Variants in C2CD3 observed in about 807,000 individuals in gnomAD.
The protein encoded by C2CD3 is C2 domain containing 3 centriole elongation regulator, also known as C2 domain-containing protein 3.
Under a neutral mutation model 234.0 loss-of-function variants are expected in C2CD3, and 148 were observed. That is an observed-to-expected ratio of 0.63 (90% CI 0.55 to 0.72). The LOEUF is 0.72. Among genes scored for constraint, C2CD3 ranks in the 30% least tolerant of loss-of-function variants. The pLI, the probability that C2CD3 is intolerant of heterozygous loss-of-function variation, is 0.00. For synonymous variants in C2CD3, 1,000 were observed against 1,035.4 expected, an observed-to-expected ratio of 0.97 and a Z score of 0.66; for missense variants, 2,577 against 2,811.5, an observed-to-expected ratio of 0.92 and a Z score of 1.89.
At chr11:74,116,597 C>A (rs1298587479) in intron 9 of C2CD3, among the ~76,000 whole-genome samples, 1 of 151,860 alleles carries the variant, frequency 6.6e-6, no homozygotes. Flanking sequence ...AGTAGAACTA[C>A]CATTTGACCC....
chr11:74,077,632 G>T (rs1275262740), intron 23 of C2CD3, among the ~76,000 whole-genome samples: 4 of 151,102 alleles, frequency 2.6e-5, no homozygotes, highest in Non-Finnish European at 5.9e-5. Flanking sequence ...CCTGTTAGGG[G>T]TGGGAGGCTA....
At chr11:74,038,001 T>C (rs569923549) in intron 29 of C2CD3, among the ~76,000 whole-genome samples, 1 of 152,318 alleles carries the variant, frequency 6.6e-6, no homozygotes, top group African/African-American at 2.4e-5. Flanking sequence ...CCAGTCCTTA[T>C]TTCTGTTTAC....
chr11:74,158,721 T>TC (rs1337580745), intron 3 of C2CD3, among the ~76,000 whole-genome samples: 2 of 123,940 alleles, frequency 1.6e-5, no homozygotes, highest in Non-Finnish European at 3.3e-5. Context: ...AAACTTCGTC[T>TC]CAAAAAAAAA....
chr11:74,098,128 C>G lies in C2CD3; in HGVS notation c.2860G>C (p.Gly954Arg). ...NGSLRVFLAM[G>R]SSNQIMALQR... is the part of the protein sequence containing the mutation. ...AGTGCCATTATTTGATTTGAAGAAC[C>G]CATAGCTAAAAAGACTCGAAGACTC... The change falls in exon 16 of 33, where the codon GGT becomes CGT. Residue 954 changes from glycine to arginine, a missense_variant. By Grantham distance (125) the Gly-to-Arg change is moderately radical. Transcript: ENST00000334126. The G allele has an allele frequency of 1.9e-6, 3 of 1,614,052 alleles. No individual in the cohort carries two copies. Among genetic ancestry groups the G allele is most frequent in the Non-Finnish European group, 2.5e-6 (3 of 1,179,984 alleles).
At chr11:74,114,622 C>A in intron 9 of C2CD3, 29 bp from the exon 10 acceptor site, 1 of 1,359,530 alleles carries the variant, frequency 7.4e-7, no homozygotes, top group Non-Finnish European at 1.1e-6. Context: ...AGCAGTGAGG[C>A]ATACTGCTAC....
intron 28 of C2CD3, among the ~76,000 whole-genome samples, chr11:74,042,650 G>A (rs746934348): frequency 6.6e-6 from 1 of 151,922 alleles, no homozygotes; most frequent in African/African-American, 2.4e-5. Context: ...CTACGCCAGA[G>A]GCCATGGCAG....
At chr11:74,156,522 T>C (rs1162740537) in intron 3 of C2CD3, among the ~76,000 whole-genome samples, 3 of 149,828 alleles carry the variant, frequency 2.0e-5, no homozygotes, top group African/African-American at 7.4e-5. Context: ...CTTGATTTTT[T>C]AAAAAAACTA....
At chr11:74,115,894 A>C (rs1956912010) in intron 9 of C2CD3, among the ~76,000 whole-genome samples, 1 of 152,228 alleles carries the variant, frequency 6.6e-6, no homozygotes, top group African/African-American at 2.4e-5. Context: ...CTATTCAACA[A>C]ATGGTGCTGG....
At chr11:74,161,626 AGGGGTAT>A in intron 2 of C2CD3, 70 bp from the exon 3 acceptor site, 1 of 1,047,104 alleles carries the variant, frequency 9.6e-7, no homozygotes, top group African/African-American at 1.6e-5. Context: ...ACGTGGGTAG[AGGGGTAT>A]ATGCGGAAAA....
intron 25 of C2CD3, 105 bp downstream of exon 25, chr11:74,057,301 C>T: frequency 8.9e-7 from 1 of 1,123,446 alleles, no homozygotes. Context: ...AAAGCATTTT[C>T]CAGGTCTGCT....
At chr11:74,108,763 T>A (rs1956628727) in intron 12 of C2CD3, among the ~76,000 whole-genome samples, 1 of 152,082 alleles carries the variant, frequency 6.6e-6, no homozygotes, top group Admixed American at 6.6e-5. Context: ...GTAAAACAAA[T>A]ATAATAATGT....
intron 32 of C2CD3, among the ~76,000 whole-genome samples, chr11:74,017,073 A>T (rs1951906214): frequency 6.6e-6 from 1 of 152,134 alleles, no homozygotes; most frequent in African/African-American, 2.4e-5. Flanking sequence ...CTTTGCTAGG[A>T]AAGTGGTGGG....
At chr11:74,152,441 A>C (rs1249090568) in intron 3 of C2CD3, among the ~76,000 whole-genome samples, 1 of 152,220 alleles carries the variant, frequency 6.6e-6, no homozygotes, top group Non-Finnish European at 1.5e-5. Flanking sequence ...GAAACCAGTT[A>C]ACTCCACTGG....
chr11:74,054,775 C>T (rs1187879529), intron 25 of C2CD3, 104 bp from the exon 26 acceptor site: 1 of 715,860 alleles, frequency 1.4e-6, no homozygotes, highest in Non-Finnish European at 2.4e-6. Context: ...ACTTTCCCAA[C>T]ACTATTTCAT....
chr11:74,067,131 AC>A (rs1441098768), intron 24 of C2CD3, among the ~76,000 whole-genome samples: 1 of 152,234 alleles, frequency 6.6e-6, no homozygotes, highest in African/African-American at 2.4e-5. Flanking sequence ...AGGGCACAAA[AC>A]CAGACCAGAT....
intron 18 of C2CD3, 83 bp downstream of exon 18, chr11:74,093,733 T>C: frequency 9.3e-7 from 1 of 1,078,428 alleles, no homozygotes; most frequent in Non-Finnish European, 1.3e-6. Context: ...TTACAATAAT[T>C]CAACCTAGGC....
intron 7 of C2CD3, among the ~76,000 whole-genome samples, chr11:74,124,754 T>C (rs1957349442): frequency 6.6e-6 from 1 of 152,234 alleles, no homozygotes; most frequent in Non-Finnish European, 1.5e-5. Context: ...TTTATATAAC[T>C]GTATTATTTG....
At chr11:74,096,225 A>T (rs1956102193) in intron 16 of C2CD3, among the ~76,000 whole-genome samples, 1 of 152,186 alleles carries the variant, frequency 6.6e-6, no homozygotes, top group Non-Finnish European at 1.5e-5. Context: ...AGTGTTCTTT[A>T]TCCCTATTCT....
Position 74,044,865 on chromosome 11 carries a change from C to T in C2CD3, c.5496-2647G>A, listed in dbSNP as rs142770804. 3.5e-3 allele frequency among the ~76,000 whole-genome samples: 518 copies of T among 148,906 alleles called. 5 individuals are homozygous for T. Among genetic ancestry groups the T allele is most frequent in the African/African-American group, 0.012 (491 of 40,510 alleles). On this transcript the variant is annotated intron_variant, in intron 28 of 32. Transcript: ENST00000334126. ...GGATAATGGCCTCCAGCTGCATCCA[C>T]GTTGCTGCAAAGAACATGATTTTGT...
Sources: gnomAD v4.1 joint callset for allele counts (sites outside exome capture counted in the v4.1 genomes callset) on GRCh38, gnomAD v4.1.1 for gene constraint, MANE v1.5 for transcripts, NCBI Gene and HGNC (gene_info 2026-07-23, HGNC 2026-07-21) for gene names.